Variants in TMEM232 observed in about 807,000 individuals in gnomAD.
TMEM232 encodes transmembrane protein 232.
In TMEM232, 80 loss-of-function variants were observed where a neutral mutation model predicts 78.8. The observed-to-expected ratio is 1.01, with a 90% CI of 0.85 to 1.22. TMEM232 has a LOEUF of 1.22. TMEM232 is among the 50% of genes most tolerant of loss of function. The pLI is 0.00. For missense variants in TMEM232, 881 were observed against 742.2 expected (o/e 1.19, Z -2.17); for synonymous variants, 297 against 254.3 (o/e 1.17, Z -1.60).
At chr5:110,586,034 A>C (rs1778779958) in intron 10 of TMEM232, among the ~76,000 whole-genome samples, 1 of 152,154 alleles carries the variant, frequency 6.6e-6, no homozygotes, top group African/African-American at 2.4e-5. Flanking sequence ...ATACAGCTTA[A>C]TCACAGGGAA....
intron 1 of TMEM232, among the ~76,000 whole-genome samples, chr5:110,669,040 T>C (rs193248864): frequency 6.6e-6 from 1 of 152,168 alleles, no homozygotes; most frequent in East Asian, 1.9e-4. Flanking sequence ...AGATCTACAA[T>C]TGAAACCCTA....
chr5:110,699,559 T>C (rs1477482074), intron 1 of TMEM232, among the ~76,000 whole-genome samples: 1 of 152,168 alleles, frequency 6.6e-6, no homozygotes, highest in South Asian at 2.1e-4. Flanking sequence ...AAGAATGGGA[T>C]AGAATTTCAA....
chr5:110,585,039 G>A (rs1486756755), intron 10 of TMEM232, among the ~76,000 whole-genome samples: 6 of 152,082 alleles, frequency 3.9e-5, no homozygotes, highest in Non-Finnish European at 8.8e-5. Flanking sequence ...TAGACCACTG[G>A]ATCTGAATGG....
chr5:110,454,261 A>AAATC (rs1760638180), intron 12 of TMEM232, among the ~76,000 whole-genome samples: 2 of 152,180 alleles, frequency 1.3e-5, no homozygotes, highest in South Asian at 4.1e-4. Context: ...GCCATAAATC[A>AAATC]AATCATAACA....
chr5:110,432,692 G>T (rs1176357066), intron 12 of TMEM232, among the ~76,000 whole-genome samples: 2 of 151,612 alleles, frequency 1.3e-5, no homozygotes, highest in Non-Finnish European at 3.0e-5. Context: ...TTGCAAATTG[G>T]ATTAAAAACA....
intron 10 of TMEM232, among the ~76,000 whole-genome samples, chr5:110,569,119 T>A (rs967350506): frequency 6.6e-6 from 1 of 151,774 alleles, no homozygotes; most frequent in Non-Finnish European, 1.5e-5. Flanking sequence ...ACTGTTATAA[T>A]TATAAGGTGA....
chr5:110,490,676 C>T (rs1231991200), intron 12 of TMEM232, among the ~76,000 whole-genome samples: 1 of 152,010 alleles, frequency 6.6e-6, no homozygotes, highest in Admixed American at 6.6e-5. Flanking sequence ...AGAAATAAAC[C>T]ATCCATTTAT....
chr5:110,668,977 C>G (rs1413198011), intron 1 of TMEM232, among the ~76,000 whole-genome samples: 1 of 152,164 alleles, frequency 6.6e-6, no homozygotes, highest in Non-Finnish European at 1.5e-5. Flanking sequence ...ACATTTAAAG[C>G]AGTGTGCAGA....
At chr5:110,693,634 G>A (rs936558833) in intron 1 of TMEM232, among the ~76,000 whole-genome samples, 18 of 152,254 alleles carry the variant, frequency 1.2e-4, no homozygotes, top group Non-Finnish European at 2.4e-4. Flanking sequence ...TGAAAACCAC[G>A]GCACAACAAC....
chr5:110,731,775 G>C (rs1798702343), intron 2 of TMEM232, among the ~76,000 whole-genome samples: 1 of 152,222 alleles, frequency 6.6e-6, no homozygotes, highest in African/African-American at 2.4e-5. Context: ...TGCCATGAAA[G>C]TCTCCAACAT....
chr5:110,591,482 A>G (rs1201801096), intron 10 of TMEM232, among the ~76,000 whole-genome samples: 1 of 152,190 alleles, frequency 6.6e-6, no homozygotes, highest in Non-Finnish European at 1.5e-5. Context: ...ACAAAAAGAA[A>G]TACTTCCTCA....
chr5:110,708,243 A>G (rs1796136140), intron 1 of TMEM232, among the ~76,000 whole-genome samples: 1 of 152,216 alleles, frequency 6.6e-6, no homozygotes, highest in Admixed American at 6.5e-5. Context: ...ATATCTGGTG[A>G]AAATATCCTT....
At chr5:110,473,070 A>C (rs1230882260) in intron 12 of TMEM232, among the ~76,000 whole-genome samples, 1 of 151,852 alleles carries the variant, frequency 6.6e-6, no homozygotes, top group Non-Finnish European at 1.5e-5. Context: ...AAAAAAAAAA[A>C]AGGACAAATA....
At chr5:110,612,444 G>A (rs777071408) in intron 8 of TMEM232, among the ~76,000 whole-genome samples, 6 of 152,140 alleles carry the variant, frequency 3.9e-5, no homozygotes, top group Admixed American at 2.0e-4. Flanking sequence ...TGACATTTCA[G>A]TTCATAAGAA....
chr5:110,688,466 C>G (rs914082814), intron 1 of TMEM232, among the ~76,000 whole-genome samples: 1 of 152,138 alleles, frequency 6.6e-6, no homozygotes, highest in Non-Finnish European at 1.5e-5. Flanking sequence ...GATACATTTC[C>G]TCTGTTGGAG....
At chr5:110,678,063 TTTAC>T (rs1792254382) in intron 1 of TMEM232, among the ~76,000 whole-genome samples, 1 of 152,116 alleles carries the variant, frequency 6.6e-6, no homozygotes, top group Non-Finnish European at 1.5e-5. Context: ...GTTTAAAGAC[TTTAC>T]TTATTTATTT....
chr5:110,415,980 G>T (rs547536527), downstream of TMEM232, among the ~76,000 whole-genome samples: 2 of 152,034 alleles, frequency 1.3e-5, 1 homozygote, highest in South Asian at 4.1e-4. Flanking sequence ...TTTTATTTTG[G>T]CTTTTCAGTG....
At chr5:110,667,458 C>T (rs1790740939) in intron 1 of TMEM232, 94 bp from the exon 2 acceptor site, 4 of 988,044 alleles carry the variant, frequency 4.0e-6, no homozygotes, top group Admixed American at 3.7e-5. Flanking sequence ...AAAAGAATAG[C>T]AAGAACTAAA....
intron 1 of TMEM232, among the ~76,000 whole-genome samples, chr5:110,714,631 CTAGAAA>C (rs752499255): frequency 5.3e-5 from 8 of 151,974 alleles, no homozygotes; most frequent in Non-Finnish European, 1.2e-4. Flanking sequence ...CACACACAAA[CTAGAAA>C]TAAAGAATTA....
Sources: gnomAD v4.1 joint callset for allele counts (sites outside exome capture counted in the v4.1 genomes callset) on GRCh38, gnomAD v4.1.1 for gene constraint, MANE v1.5 for transcripts, NCBI Gene and HGNC (gene_info 2026-07-23, HGNC 2026-07-21) for gene names.